POLN: variants seen among roughly 807,000 people sequenced by gnomAD.
POLN encodes the protein DNA polymerase nu.
POLN carries 108 observed loss-of-function variants against 113.5 expected under a neutral mutation model. The observed-to-expected ratio is 0.95, with a 90% CI of 0.81 to 1.12. POLN has a LOEUF of 1.12. Ranked by LOEUF, POLN falls within the 50% of genes most tolerant of loss-of-function variation. POLN has a pLI of 0.00. For missense variants in POLN, 1,097 were observed against 1,077.1 expected, an observed-to-expected ratio of 1.02 and a Z score of -0.26; for synonymous variants, 386 against 391.5, an observed-to-expected ratio of 0.99 and a Z score of 0.17.
At chr4:2,159,003 G>C (rs749252861) in intron 14 of POLN, 152 bp downstream of exon 14, 5 of 675,136 alleles carry the variant, frequency 7.4e-6, no homozygotes, top group Middle Eastern at 4.8e-4. Flanking sequence ...CAAGTAAACA[G>C]TGCCAGTACA....
chr4:2,085,820 G>C (rs933856773), intron 20 of POLN, 76 bp from the exon 21 acceptor site: 307 of 1,584,336 alleles, frequency 1.9e-4, no homozygotes, highest in Non-Finnish European at 2.5e-4. Flanking sequence ...AGTGAGTCAG[G>C]TCCAGCTGGC....
intron 7 of POLN, among the ~76,000 whole-genome samples, chr4:2,188,516 G>T (rs1329686054): frequency 1.3e-5 from 2 of 151,842 alleles, no homozygotes; most frequent in Non-Finnish European, 2.9e-5. Flanking sequence ...CAGGAGAATG[G>T]CGTGAACCTG....
intron 16 of POLN, among the ~76,000 whole-genome samples, chr4:2,143,415 A>T (rs1355363783): frequency 6.6e-6 from 1 of 152,244 alleles, no homozygotes; most frequent in African/African-American, 2.4e-5. Flanking sequence ...TGTTATGAAA[A>T]ATCACACGCA....
Position 2,131,267 on chromosome 4 carries a change from G to A in POLN, c.1755C>T (p.His585=), listed in dbSNP as rs759616275. 3.1e-6 allele frequency: 5 copies of A among 1,592,978 alleles called. No individual in the cohort carries two copies. The highest frequency in any genetic ancestry group is 4.5e-5 in the East Asian group (2 of 44,634). ...TCTTAGGTGTAGTAATCTGAATTGG[G>A]TGCTTGGAGATACCTTGGATATTCT... The part of the protein sequence containing the change: ...KHPNIQGISK[H]PIQITTPKNF... Residue 585 remains histidine, a synonymous_variant, in exon 17 of 26, where the codon CAC becomes CAT. Transcript: ENST00000511885.
chr4:2,169,150 G>A (rs536510951), intron 13 of POLN, among the ~76,000 whole-genome samples: 2 of 152,202 alleles, frequency 1.3e-5, no homozygotes, highest in African/African-American at 4.8e-5. Flanking sequence ...CGCTGGAGTG[G>A]GGGGAGAGAG....
chr4:2,139,890 CAGAG>C (rs33916034), intron 16 of POLN: 132,170 of 151,652 alleles, frequency 0.87, 58,149 homozygotes, highest in Non-Finnish European at 0.94. Context: ...GAAAGAAAGG[CAGAG>C]CTCTCCATCT....
At position 2,222,695 on chromosome 4, in the gene POLN, CTT is replaced by C. The variant is rs1314577025; in HGVS notation, c.133+6402_133+6403del. Among the ~76,000 whole-genome samples the C allele has an allele frequency of 2.3e-3, 297 of 129,304 alleles. 3 individuals carry two copies. The highest frequency in any genetic ancestry group is 8.6e-3 in the African/African-American group (265 of 30,976). 84.8% of individuals were successfully genotyped at this position (129,304 alleles called of 152,430 possible). A position where few individuals can be genotyped will look rare whatever the true frequency, so the allele number is the denominator to read the frequency against. Reference sequence around the variant, plus strand: ...CCTTTAATTGCTTATCACCCACGGCCTTTTTTTTTTTTTTTTTATTTTTCCAC... The same window carrying C: ...CCTTTAATTGCTTATCACCCACGGCCTTTTTTTTTTTTTTTATTTTTCCAC... On this transcript the variant is annotated intron_variant, in intron 3 of 25. Coordinates refer to ENST00000511885, the MANE Select transcript of POLN (RefSeq NM_181808.4).
intron 13 of POLN, among the ~76,000 whole-genome samples, chr4:2,165,309 T>C (rs1430782224): frequency 6.6e-6 from 1 of 152,010 alleles, no homozygotes; most frequent in Non-Finnish European, 1.5e-5. Flanking sequence ...TACCACTAAG[T>C]GAAATAAGTC....
At chr4:2,236,328 G>C in intron 2 of POLN, 3 of 1,613,136 alleles carry the variant, frequency 1.9e-6, no homozygotes, top group Non-Finnish European at 2.5e-6. Flanking sequence ...ATGTTCTTGA[G>C]CAGATACTGC....
rs373551048 is a variant in POLN, at chr4:2,159,232, T to C, written c.1555-21A>G. The C allele has an allele frequency of 2.6e-6, 4 of 1,561,450 alleles. No individual in the cohort carries two copies. In the African/African-American group the frequency reaches 5.5e-5, roughly 21 times the overall value. On this transcript the variant is annotated intron_variant, in intron 13 of 25. Transcript: ENST00000511885. ...TTTAACTAAACATGAAAATAGATAC[T>C]ACCAATGTAATTCGTCCATTTTAAC...
intron 16 of POLN, among the ~76,000 whole-genome samples, chr4:2,154,295 T>C (rs189244497): frequency 1.6e-5 from 2 of 127,494 alleles, no homozygotes; most frequent in East Asian, 2.4e-4. Flanking sequence ...TGGAGGAAAA[T>C]AATTCAACAT....
intron 19 of POLN, among the ~76,000 whole-genome samples, chr4:2,113,111 T>C (rs1731236724): frequency 1.3e-5 from 2 of 151,322 alleles, no homozygotes; most frequent in Admixed American, 6.6e-5. Flanking sequence ...CTGGAAACCA[T>C]CATTCTCAGC....
intron 2 of POLN, chr4:2,236,403 T>G (rs747337817): frequency 1.2e-6 from 2 of 1,613,780 alleles, no homozygotes; most frequent in South Asian, 1.1e-5. Context: ...AAGGTTTCCA[T>G]GAGTTAGAAA....
At chr4:2,204,442 G>GTAACAAAAAAATTAC (rs1342577704) in intron 5 of POLN, among the ~76,000 whole-genome samples, 1 of 152,058 alleles carries the variant, frequency 6.6e-6, no homozygotes, top group African/African-American at 2.4e-5. Context: ...GACTGAAATG[G>GTAACAAAAAAATTAC]TAACAAAAAA....
Position 2,213,140 on chromosome 4 carries a change from C to A in POLN, c.134-14G>T. ...TCACTTCCATAGCTTTTAAAAACAA[C>A]AAAAAAGAAACATGGGGCATTAAAG... On this transcript the variant is annotated splice_polypyrimidine_tract_variant and intron_variant, in intron 3 of 25. Coordinates refer to ENST00000511885, the MANE Select transcript of POLN (RefSeq NM_181808.4). 4.5e-6 allele frequency: 7 copies of A among 1,541,494 alleles called. No homozygotes were observed. Among genetic ancestry groups the A allele is most frequent in the East Asian group, 2.4e-5 (1 of 42,492 alleles).
chr4:2,193,055 A>T (rs1184187861), intron 7 of POLN, 149 bp downstream of exon 7: 1 of 564,260 alleles, frequency 1.8e-6, no homozygotes, highest in East Asian at 3.4e-5. Flanking sequence ...CTTCCTCCCC[A>T]TGCCTAGGGC....
chr4:2,203,007 A>G (rs1335469466), intron 5 of POLN, among the ~76,000 whole-genome samples: 1 of 152,196 alleles, frequency 6.6e-6, no homozygotes, highest in Non-Finnish European at 1.5e-5. Context: ...GACTTAACAT[A>G]TATTTACAGA....
intron 17 of POLN, among the ~76,000 whole-genome samples, chr4:2,130,712 G>C (rs1395052234): frequency 1.3e-5 from 2 of 152,262 alleles, no homozygotes; most frequent in East Asian, 3.9e-4. Flanking sequence ...CTGCTTTCCT[G>C]ATATAATTAT....
At chr4:2,187,043 T>C (rs1023448866) in intron 7 of POLN, among the ~76,000 whole-genome samples, 1 of 151,942 alleles carries the variant, frequency 6.6e-6, no homozygotes, top group African/African-American at 2.4e-5. Flanking sequence ...GGTCTGAAGA[T>C]AGACTACTGG....
Sources: allele counts gnomAD v4.1 joint callset (sites outside exome capture counted in the v4.1 genomes callset), GRCh38; gene constraint gnomAD v4.1.1; transcripts MANE v1.5; gene names NCBI Gene and HGNC (gene_info 2026-07-23, HGNC 2026-07-21).